Variants in PRSS53 observed in about 807,000 individuals in gnomAD.
The protein encoded by PRSS53 is serine protease 53.
Under a neutral mutation model 62.7 loss-of-function variants are expected in PRSS53, and 54 were observed. The ratio of observed to expected loss-of-function variants is 0.86; its 90% CI spans 0.69 to 1.08. PRSS53 has a LOEUF of 1.08. PRSS53 is among the 50% of genes least tolerant of loss of function. The pLI is 0.00. For missense variants in PRSS53, 688 were observed against 728.3 expected (o/e 0.94, Z 0.64); for synonymous variants, 273 against 300.0 (o/e 0.91, Z 0.93).
intron 1 of PRSS53, chr16:31,088,549 C>T (rs1014603103): frequency 2.1e-6 from 3 of 1,434,494 alleles, no homozygotes; most frequent in Non-Finnish European, 2.7e-6. Context: ...CCAACGCAAA[C>T]TGCAGCTGGC....
exon 1 of PRSS53, chr16:31,088,904 G>A (rs2057261767): frequency 3.2e-6 from 5 of 1,563,358 alleles, no homozygotes; most frequent in Non-Finnish European, 4.3e-6. Context: ...AGTTGGCTAG[G>A]ATTCAGCTGT....
exon 11 of PRSS53, chr16:31,083,640 G>A (rs1199761661): frequency 2.0e-6 from 3 of 1,526,240 alleles, no homozygotes; most frequent in Non-Finnish European, 2.6e-6. Context: ...GTGGGCACCT[G>A]TGGCCCCAGG....
At chr16:31,088,694 G>C (rs2057259554) in intron 1 of PRSS53, 58 bp downstream of exon 1, 1 of 1,609,544 alleles carries the variant, frequency 6.2e-7, no homozygotes, top group East Asian at 2.2e-5. Flanking sequence ...TGCTGGGGCA[G>C]AGATGGCCCC....
chr16:31,087,041 GGCT>G, intron 3 of PRSS53, 143 bp from the exon 4 acceptor site: 1 of 847,146 alleles, frequency 1.2e-6, no homozygotes, highest in Non-Finnish European at 1.8e-6. Flanking sequence ...CTGTCGCCCA[GGCT>G]GCAGTGCAGT....
intron 10 of PRSS53, 153 bp downstream of exon 10, chr16:31,083,966 C>G (rs1406218422): frequency 4.0e-6 from 6 of 1,502,908 alleles, no homozygotes; most frequent in Non-Finnish European, 5.4e-6. Context: ...CCAAGTCACA[C>G]GATGACAAAG....
exon 4 of PRSS53, chr16:31,086,759 C>A (rs2057238365): frequency 5.6e-6 from 9 of 1,611,700 alleles, no homozygotes; most frequent in Non-Finnish European, 7.6e-6. Flanking sequence ...AGGGCCAGGT[C>A]TGAGCCCTGG....
Position 31,088,721 on chromosome 16 carries a change from C to T in PRSS53, c.58+31G>A, listed in dbSNP as rs754670213. ...GATGGCCCCTGAGCCCCCACCAGGC[C>T]ACACCCATACCCCAGCACATGGCGG... On this transcript the variant is annotated intron_variant, in intron 1 of 10. Coordinates refer to ENST00000280606, the Ensembl canonical transcript of PRSS53. 2.5e-6 allele frequency: 4 copies of T among 1,612,634 alleles called. No homozygotes were observed. In the East Asian group the frequency reaches 8.9e-5, roughly 36 times the overall value.
chr16:31,088,261 C>T (rs79030220), intron 1 of PRSS53: 65,573 of 1,134,494 alleles, frequency 0.058, 2,082 homozygotes, highest in Middle Eastern at 0.13. Flanking sequence ...GAAATGGAGA[C>T]TTACCTCACC....
Position 31,084,705 on chromosome 16 carries a change from T to A in PRSS53, c.1280-2A>T, listed in dbSNP as rs766285819. ...GCACTGTCTGGAGGGAGCTGATGCCTGTGGAGCAAGGGAAAGCTGGCTGCC... is the reference window on the plus strand; with the variant it reads ...GCACTGTCTGGAGGGAGCTGATGCCAGTGGAGCAAGGGAAAGCTGGCTGCC... On this transcript the variant is annotated splice_acceptor_variant, in intron 8 of 10. Transcript: ENST00000280606. LOFTEE classifies it high-confidence loss of function. 1 of 1,609,878 alleles carries A rather than the reference T, an allele frequency of 6.2e-7. No individual in the cohort carries two copies. Among genetic ancestry groups the A allele is most frequent in the Non-Finnish European group, 8.5e-7 (1 of 1,177,828 alleles).
intron 6 of PRSS53, among the ~76,000 whole-genome samples, chr16:31,085,491 T>C (rs2057222772): frequency 6.6e-6 from 1 of 152,136 alleles, no homozygotes; most frequent in South Asian, 2.1e-4. Context: ...GGGACCCCTG[T>C]CCCAGCCTCG....
At chr16:31,086,353 A>C (rs769797360) in exon 5 of PRSS53, 1 of 1,612,348 alleles carries the variant, frequency 6.2e-7, no homozygotes, top group African/African-American at 1.3e-5. Context: ...GGGGCCCTGC[A>C]CCCCAGGCTG....
rs534280793 is a variant in PRSS53, at chr16:31,086,966, C to T, written c.243-68G>A. On this transcript the variant is annotated intron_variant, in intron 3 of 10. Coordinates refer to ENST00000280606, the Ensembl canonical transcript of PRSS53. ...TAGACAGTGACACCATGGGAGACCC[C>T]ACAGGTAGGTGGAAGATAGCAGAGA... The T allele has an allele frequency of 4.1e-4, 606 of 1,473,008 alleles. 1 individual carries two copies. Among genetic ancestry groups the T allele is most frequent in the Non-Finnish European group, 4.9e-4 (542 of 1,101,358 alleles). 91.2% of individuals were successfully genotyped at this position (1,473,008 alleles called of 1,614,324 possible).
chr16:31,084,907 G>T, exon 8 of PRSS53: 1 of 1,543,446 alleles, frequency 6.5e-7, no homozygotes, highest in Non-Finnish European at 8.8e-7. Flanking sequence ...GCAGCAGGAG[G>T]GCCATGTCGT....
At chr16:31,087,848 T>C in intron 1 of PRSS53, 22 bp from the exon 2 acceptor site, 4 of 1,613,498 alleles carry the variant, frequency 2.5e-6, no homozygotes, top group Non-Finnish European at 3.4e-6. Flanking sequence ...GAGACACAGG[T>C]AAGATGCAGG....
At chr16:31,084,233 C>T (rs889205744) in exon 10 of PRSS53, 3 of 1,611,896 alleles carry the variant, frequency 1.9e-6, no homozygotes, top group South Asian at 1.1e-5. Flanking sequence ...GCGGTGAAGA[C>T]CGCCGGCCTG....
chr16:31,087,866 G>A (rs765199108), intron 1 of PRSS53, 40 bp from the exon 2 acceptor site: 40 of 1,612,508 alleles, frequency 2.5e-5, no homozygotes, highest in Non-Finnish European at 3.3e-5. Flanking sequence ...AGGGACTCCA[G>A]GCCTGCCTAG....
chr16:31,084,834 G>A, exon 8 of PRSS53: 3 of 1,549,016 alleles, frequency 1.9e-6, no homozygotes, highest in Non-Finnish European at 2.6e-6. Context: ...TCAGGCAGGT[G>A]GTGGTCAGGA....
At chr16:31,087,086 C>T in intron 3 of PRSS53, 188 bp from the exon 4 acceptor site, 2 of 599,416 alleles carry the variant, frequency 3.3e-6, no homozygotes, top group Non-Finnish European at 5.6e-6. Context: ...AAGCCTTGAC[C>T]TCCCAGGCTC....
exon 3 of PRSS53, chr16:31,087,642 C>T: frequency 6.2e-7 from 1 of 1,610,902 alleles, no homozygotes; most frequent in Admixed American, 1.7e-5. Context: ...GGGCCACTCG[C>T]CAGGGACTGT....
Sources: gnomAD v4.1 joint callset for allele counts (sites outside exome capture counted in the v4.1 genomes callset) on GRCh38, gnomAD v4.1.1 for gene constraint, MANE v1.5 for transcripts, NCBI Gene and HGNC (gene_info 2026-07-23, HGNC 2026-07-21) for gene names.